ROBO1: variants seen among roughly 807,000 people sequenced by gnomAD.
ROBO1 encodes the protein roundabout guidance receptor 1, also known as roundabout homolog 1.
Under a neutral mutation model 195.9 loss-of-function variants are expected in ROBO1, and 149 were observed. That is an observed-to-expected ratio of 0.76 (90% CI 0.67 to 0.87). ROBO1 has a LOEUF of 0.87. Among genes scored for constraint, ROBO1 ranks in the 40% least tolerant of loss-of-function variants. The pLI is 0.00. For synonymous variants in ROBO1, 816 were observed against 733.2 expected (o/e 1.11, Z -1.82); for missense variants, 1,933 against 2,068.3 (o/e 0.93, Z 1.27).
intron 3 of ROBO1, among the ~76,000 whole-genome samples, chr3:79,046,447 A>G (rs570799740): frequency 6.6e-6 from 1 of 152,198 alleles, no homozygotes; most frequent in East Asian, 1.9e-4. Flanking sequence ...AATATATTAC[A>G]CGGTAATGTA....
chr3:79,178,360 C>T (rs1049910380), intron 2 of ROBO1, among the ~76,000 whole-genome samples: 6 of 152,088 alleles, frequency 3.9e-5, no homozygotes, highest in African/African-American at 1.2e-4. Context: ...TAATTGTATA[C>T]GTTTCTACAA....
chr3:79,427,901 ACC>A (rs2038515131), intron 2 of ROBO1, among the ~76,000 whole-genome samples: 1 of 152,132 alleles, frequency 6.6e-6, no homozygotes, highest in African/African-American at 2.4e-5. Context: ...CTTGAGTAAT[ACC>A]CCATGATCAC....
At chr3:79,601,931 T>C (rs1464374755) in intron 1 of ROBO1, among the ~76,000 whole-genome samples, 1 of 151,926 alleles carries the variant, frequency 6.6e-6, no homozygotes, top group Middle Eastern at 3.2e-3. Context: ...GTCCATTATA[T>C]GGGGTTGGAA....
chr3:78,786,740 G>T (rs1348618920), intron 4 of ROBO1, among the ~76,000 whole-genome samples: 1 of 152,038 alleles, frequency 6.6e-6, no homozygotes, highest in Admixed American at 6.6e-5. Flanking sequence ...CCCCTCCTTT[G>T]CCTTCCACCA....
intron 5 of ROBO1, among the ~76,000 whole-genome samples, chr3:78,726,734 C>A (rs886442118): frequency 2.6e-5 from 4 of 152,118 alleles, no homozygotes; most frequent in Non-Finnish European, 5.9e-5. Context: ...ATGCAGGTAA[C>A]CCAGATGGCC....
intron 1 of ROBO1, among the ~76,000 whole-genome samples, chr3:79,669,620 T>C (rs1227611097): frequency 6.6e-6 from 1 of 151,862 alleles, no homozygotes; most frequent in Non-Finnish European, 1.5e-5. Flanking sequence ...GTAAGTGCAC[T>C]CTATGATTGC....
At chr3:79,341,407 T>A (rs2034899554) in intron 2 of ROBO1, among the ~76,000 whole-genome samples, 1 of 152,224 alleles carries the variant, frequency 6.6e-6, no homozygotes, top group Non-Finnish European at 1.5e-5. Context: ...TTATGTCATT[T>A]TAATTTGATA....
chr3:78,894,672 A>G (rs143840738), intron 4 of ROBO1, among the ~76,000 whole-genome samples: 543 of 152,354 alleles, frequency 3.6e-3, no homozygotes, highest in Non-Finnish European at 6.0e-3. Flanking sequence ...TACAGCAGAA[A>G]CAAATTATCA....
At chr3:78,991,700 A>G (rs540334422) in intron 3 of ROBO1, among the ~76,000 whole-genome samples, 1 of 152,334 alleles carries the variant, frequency 6.6e-6, no homozygotes, top group Admixed American at 6.5e-5. Context: ...ATAATTCCAC[A>G]TGGGAATCAG....
intron 4 of ROBO1, among the ~76,000 whole-genome samples, chr3:78,827,747 A>G (rs2031761699): frequency 6.6e-6 from 1 of 152,150 alleles, no homozygotes; most frequent in African/African-American, 2.4e-5. Context: ...ATATCTGAAG[A>G]CAGTCTGGAG....
chr3:79,580,520 T>C (rs1167593170), intron 2 of ROBO1, among the ~76,000 whole-genome samples: 1 of 151,626 alleles, frequency 6.6e-6, no homozygotes, highest in African/African-American at 2.4e-5. Context: ...AATAAATAAA[T>C]AAAATAAATA....
chr3:79,428,942 C>G (rs928611988), intron 2 of ROBO1, among the ~76,000 whole-genome samples: 2 of 151,786 alleles, frequency 1.3e-5, no homozygotes, highest in Non-Finnish European at 2.9e-5. Flanking sequence ...AGAACAGAAA[C>G]CTGATCAAAG....
chr3:79,141,104 A>G (rs1559689007), intron 2 of ROBO1, among the ~76,000 whole-genome samples: 1 of 152,248 alleles, frequency 6.6e-6, no homozygotes, highest in East Asian at 1.9e-4. Flanking sequence ...CATCTGTCCA[A>G]TTTCTTTTAC....
At chr3:78,982,737 T>C (rs1559557427) in intron 3 of ROBO1, among the ~76,000 whole-genome samples, 1 of 152,022 alleles carries the variant, frequency 6.6e-6, no homozygotes, top group Non-Finnish European at 1.5e-5. Context: ...CAGGAGATTC[T>C]CCTGCCTCAG....
At chr3:78,895,357 G>A (rs1436945997) in intron 4 of ROBO1, among the ~76,000 whole-genome samples, 2 of 152,184 alleles carry the variant, frequency 1.3e-5, no homozygotes, top group Non-Finnish European at 2.9e-5. Flanking sequence ...TCAAGGGGGA[G>A]CAGGTTGTAA....
chr3:79,520,958 A>G (rs1941183013), intron 2 of ROBO1, among the ~76,000 whole-genome samples: 1 of 152,224 alleles, frequency 6.6e-6, no homozygotes, highest in African/African-American at 2.4e-5. Context: ...GACAGACAAT[A>G]TTTAGTGAAA....
intron 1 of ROBO1, among the ~76,000 whole-genome samples, chr3:79,750,135 A>T (rs1463030409): frequency 4.6e-5 from 7 of 152,244 alleles, no homozygotes; most frequent in African/African-American, 1.7e-4. Context: ...TGAGGCATGG[A>T]GTCAAAGGAG....
intron 2 of ROBO1, among the ~76,000 whole-genome samples, chr3:79,370,386 A>G (rs1393385490): frequency 1.3e-5 from 2 of 151,942 alleles, no homozygotes; most frequent in African/African-American, 2.4e-5. Flanking sequence ...TTAAAACACA[A>G]CTAACTTTTT....
chr3:79,663,702 G>C (rs1028407936), intron 1 of ROBO1, among the ~76,000 whole-genome samples: 1 of 151,912 alleles, frequency 6.6e-6, no homozygotes, highest in Non-Finnish European at 1.5e-5. Flanking sequence ...GCACTTACTT[G>C]TATCTCTAGA....
Sources: allele counts gnomAD v4.1 joint callset (sites outside exome capture counted in the v4.1 genomes callset), GRCh38; gene constraint gnomAD v4.1.1; transcripts MANE v1.5; gene names NCBI Gene and HGNC (gene_info 2026-07-23, HGNC 2026-07-21).